Variants in SYN3 observed in about 807,000 individuals in gnomAD.
The protein encoded by SYN3 is synapsin-3.
Under a neutral mutation model 65.8 loss-of-function variants are expected in SYN3, and 35 were observed. The observed-to-expected ratio is 0.53, with a 90% CI of 0.41 to 0.70. The LOEUF (loss-of-function observed/expected upper bound fraction) is 0.70, where lower values mean the gene tolerates loss of function less well. Ranked by LOEUF, SYN3 falls within the 30% of genes least tolerant of loss-of-function variation. SYN3 has a pLI of 0.00. For missense variants in SYN3, 680 were observed against 749.0 expected, an observed-to-expected ratio of 0.91 and a Z score of 1.08; for synonymous variants, 270 against 292.9, an observed-to-expected ratio of 0.92 and a Z score of 0.80.
chr22:33,004,653 A>T (rs1384007316), intron 2 of SYN3, among the ~76,000 whole-genome samples: 1 of 152,186 alleles, frequency 6.6e-6, no homozygotes, highest in East Asian at 1.9e-4. Context: ...CAATGCCAAT[A>T]CCTCCATTGG....
chr22:32,869,831 G>A (rs542211381), intron 4 of SYN3, among the ~76,000 whole-genome samples: 5 of 151,908 alleles, frequency 3.3e-5, no homozygotes, highest in Non-Finnish European at 7.4e-5. Context: ...ACAGACCTGG[G>A]TAAAGATCTG....
intron 6 of SYN3, among the ~76,000 whole-genome samples, chr22:32,637,701 G>A (rs1394490736): frequency 2.2e-5 from 3 of 136,710 alleles, no homozygotes; most frequent in African/African-American, 8.3e-5. Context: ...GCAGTGGCAC[G>A]ATGCCAGCTC....
At chr22:33,039,448 T>C (rs1476435933) in intron 1 of SYN3, among the ~76,000 whole-genome samples, 1 of 151,212 alleles carries the variant, frequency 6.6e-6, no homozygotes, top group Non-Finnish European at 1.5e-5. Flanking sequence ...TGATCTTGGC[T>C]CACTGCAACC....
chr22:32,810,989 A>G (rs1166268782), intron 6 of SYN3, among the ~76,000 whole-genome samples: 1 of 152,160 alleles, frequency 6.6e-6, no homozygotes, highest in Non-Finnish European at 1.5e-5. Context: ...GGGGAAATAT[A>G]TTATGTACCA....
chr22:32,644,345 G>A (rs1302477061), intron 6 of SYN3, among the ~76,000 whole-genome samples: 10 of 152,094 alleles, frequency 6.6e-5, no homozygotes. Flanking sequence ...GCAGTGGAGG[G>A]GAGGGGTATG....
chr22:33,009,145 C>T (rs1601896934), intron 1 of SYN3, among the ~76,000 whole-genome samples: 1 of 151,846 alleles, frequency 6.6e-6, no homozygotes, highest in Non-Finnish European at 1.5e-5. Flanking sequence ...TGGGAAAATA[C>T]CTAGGAGTTA....
chr22:32,518,296 A>C lies in SYN3; in HGVS notation c.1357T>G (p.Ser453Ala), dbSNP rs1399631982. 7 of 1,610,202 alleles carry C rather than the reference A, an allele frequency of 4.3e-6. No homozygotes were observed. The highest frequency in any genetic ancestry group is 5.9e-6 in the Non-Finnish European group (7 of 1,177,884). Reference protein sequence around the residue: ...RQAQSPQPQRSGSPSQQRLSP... With the variant: ...RQAQSPQPQRAGSPSQQRLSP... The stretch of plus-strand genomic sequence containing the variant: ...AGCCTCTGTTGGGAGGGGCTTCCAG[A>C]TCTCTGGGGCTGAGGAGACTGAGCT... Residue 453 changes from serine to alanine, a missense_variant, in exon 13 of 14, where the codon TCT (serine) becomes GCT (alanine). Coordinates refer to ENST00000358763, the MANE Select transcript of SYN3 (RefSeq NM_003490.4).
intron 1 of SYN3, among the ~76,000 whole-genome samples, chr22:33,029,039 CAA>C (rs1237730746): frequency 7.4e-6 from 1 of 134,298 alleles, no homozygotes; most frequent in Non-Finnish European, 1.6e-5. Flanking sequence ...GACTCTGTCT[CAA>C]AAAAAAAAAA....
intron 4 of SYN3, among the ~76,000 whole-genome samples, chr22:32,919,747 T>C (rs936144502): frequency 2.6e-5 from 4 of 152,202 alleles, no homozygotes; most frequent in Non-Finnish European, 5.9e-5. Context: ...CTTGATGGGA[T>C]GTTAGAGAAG....
chr22:32,879,564 G>C (rs1018853508), intron 4 of SYN3, among the ~76,000 whole-genome samples: 1 of 152,124 alleles, frequency 6.6e-6, no homozygotes, highest in Non-Finnish European at 1.5e-5. Context: ...ACTTATAAGG[G>C]CATTAATCCC....
intron 6 of SYN3, among the ~76,000 whole-genome samples, chr22:32,780,149 T>G (rs1351642066): frequency 6.6e-6 from 1 of 151,350 alleles, no homozygotes; most frequent in Non-Finnish European, 1.5e-5. Flanking sequence ...TCTGCCCTGA[T>G]CTCTGCTTTT....
intron 9 of SYN3, among the ~76,000 whole-genome samples, chr22:32,535,142 C>T (rs144778388): frequency 1.1e-3 from 163 of 152,232 alleles, no homozygotes; most frequent in Admixed American, 3.1e-3. Context: ...GTGACTGTAC[C>T]GCTTCCAAAT....
chr22:32,933,841 A>T (rs1376047454), intron 3 of SYN3, among the ~76,000 whole-genome samples: 3 of 152,164 alleles, frequency 2.0e-5, no homozygotes, highest in Non-Finnish European at 4.4e-5. Flanking sequence ...AAAACAACCC[A>T]TTTAAAGAAA....
At chr22:32,527,070 T>C (rs753719076) in intron 12 of SYN3, among the ~76,000 whole-genome samples, 1 of 152,248 alleles carries the variant, frequency 6.6e-6, no homozygotes, top group Non-Finnish European at 1.5e-5. Context: ...CAATAGTTTG[T>C]CCATTCTCTA....
intron 6 of SYN3, among the ~76,000 whole-genome samples, chr22:32,711,449 G>T (rs975144241): frequency 6.6e-6 from 1 of 152,116 alleles, no homozygotes; most frequent in African/African-American, 2.4e-5. Context: ...AAAGTGATGG[G>T]GGAGAAGAAG....
intron 6 of SYN3, among the ~76,000 whole-genome samples, chr22:32,793,534 GGA>G (rs1444191106): frequency 6.6e-6 from 1 of 152,172 alleles, no homozygotes; most frequent in Non-Finnish European, 1.5e-5. Flanking sequence ...CAGAAGACTG[GGA>G]GCTCCTTGGG....
chr22:32,596,709 C>A lies in SYN3; in HGVS notation c.739G>T (p.Val247Phe). Residue 247 changes from valine to phenylalanine, a missense_variant, in exon 7 of 14, where the codon GTC (valine) becomes TTC (phenylalanine). By Grantham distance (50) the Val-to-Phe change is conservative. Coordinates refer to ENST00000358763, the MANE Select transcript of SYN3 (RefSeq NM_003490.4). ...CCAGCGTGGGCATGTCCCAGCTTGA[C>A]TACCACCGGGAAGTGTGGGGCTGTG... Reference protein sequence around the residue: ...MVTAPHFPVVVKLGHAHAGMG... With the variant: ...MVTAPHFPVVFKLGHAHAGMG... The A allele has an allele frequency of 6.2e-7, 1 of 1,614,096 alleles. No homozygotes were observed. The highest frequency in any genetic ancestry group is 8.5e-7 in the Non-Finnish European group (1 of 1,179,974).
chr22:32,696,932 T>G (rs1337985896), intron 6 of SYN3, among the ~76,000 whole-genome samples: 2 of 152,212 alleles, frequency 1.3e-5, no homozygotes, highest in Non-Finnish European at 2.9e-5. Context: ...TGGTGCAGCC[T>G]GCTTCCTGCT....
chr22:32,928,782 T>C (rs2050547389), intron 4 of SYN3, among the ~76,000 whole-genome samples: 1 of 152,242 alleles, frequency 6.6e-6, no homozygotes, highest in South Asian at 2.1e-4. Flanking sequence ...TTTGAGATTC[T>C]GATTAAATGA....
Sources: gnomAD v4.1 joint callset for allele counts (sites outside exome capture counted in the v4.1 genomes callset) on GRCh38, gnomAD v4.1.1 for gene constraint, MANE v1.5 for transcripts, NCBI Gene and HGNC (gene_info 2026-07-23, HGNC 2026-07-21) for gene names.